Variants in DNAJC2 observed in about 807,000 individuals in gnomAD.
The protein encoded by DNAJC2 is dnaJ homolog subfamily C member 2.
A neutral mutation model predicts 94.0 loss-of-function variants in DNAJC2; 32 were observed. The observed-to-expected ratio is 0.34, with a 90% confidence interval of 0.26 to 0.46. The LOEUF (loss-of-function observed/expected upper bound fraction) is 0.46. Ranked by LOEUF, DNAJC2 falls within the 20% of genes least tolerant of loss-of-function variation. The pLI is 1.00. For missense variants in DNAJC2, 550 were observed against 719.5 expected (o/e 0.76, Z 2.69); for synonymous variants, 210 against 229.7 (o/e 0.91, Z 0.77).
At chr7:103,314,909 A>T (rs1305069637) in intron 15 of DNAJC2, among the ~76,000 whole-genome samples, 1 of 152,202 alleles carries the variant, frequency 6.6e-6, no homozygotes, top group Non-Finnish European at 1.5e-5. Flanking sequence ...GGCTCACAAA[A>T]CATGAAGTGA....
chr7:103,316,809 A>G, intron 13 of DNAJC2, 21 bp downstream of exon 13: 1 of 1,604,354 alleles, frequency 6.2e-7, no homozygotes. Context: ...AGTTGAAGAA[A>G]AGTTTCATTA....
intron 15 of DNAJC2, 128 bp downstream of exon 15, chr7:103,315,636 G>C: frequency 1.7e-6 from 1 of 587,896 alleles, no homozygotes; most frequent in Non-Finnish European, 3.0e-6. Flanking sequence ...GGAAATGTTT[G>C]CTTACAGCTT....
At chr7:103,329,507 T>G (rs983351903) in intron 3 of DNAJC2, 3 of 152,278 alleles carry the variant, frequency 2.0e-5, no homozygotes, top group Non-Finnish European at 4.4e-5. Context: ...GATCATTTCT[T>G]TTGTAATTTC....
intron 3 of DNAJC2, among the ~76,000 whole-genome samples, chr7:103,329,738 G>T (rs1459786925): frequency 6.6e-6 from 1 of 152,072 alleles, no homozygotes; most frequent in Admixed American, 6.5e-5. Context: ...TTGCCCTGGG[G>T]TTATCTTTAA....
intron 3 of DNAJC2, among the ~76,000 whole-genome samples, chr7:103,332,101 T>C (rs1818999323): frequency 6.6e-6 from 1 of 151,564 alleles, no homozygotes; most frequent in Non-Finnish European, 1.5e-5. Context: ...GCCTCTCGGG[T>C]TCATGCCATT....
chr7:103,319,187 C>T lies in DNAJC2; in HGVS notation c.1242+422G>A, dbSNP rs557544288. Among the ~76,000 whole-genome samples, 18 of 151,772 alleles carry T rather than the reference C, an allele frequency of 1.2e-4. No individual in the cohort carries two copies. In the South Asian group the frequency reaches 3.8e-3, roughly 32 times the overall value. ...GGCGTGGTGGTTCACACCTATAATCCCAGCACTTTGAGAAGCCTACATGGG... is the reference window on the plus strand; with the variant it reads ...GGCGTGGTGGTTCACACCTATAATCTCAGCACTTTGAGAAGCCTACATGGG... On this transcript the variant is annotated intron_variant, in intron 12 of 16. Transcript: ENST00000379263.
chr7:103,330,257 C>A (rs1025804913), intron 3 of DNAJC2, among the ~76,000 whole-genome samples: 1 of 151,948 alleles, frequency 6.6e-6, no homozygotes, highest in East Asian at 1.9e-4. Flanking sequence ...CACTATTATT[C>A]TTTTAGTGTA....
intron 15 of DNAJC2, chr7:103,313,825 T>C (rs1817895295): frequency 1.7e-5 from 17 of 985,006 alleles, no homozygotes; most frequent in Non-Finnish European, 2.0e-5. Flanking sequence ...TCCACTTGTG[T>C]AGGTAAAAGT....
chr7:103,321,618 C>G (rs1818419052), intron 10 of DNAJC2, among the ~76,000 whole-genome samples: 1 of 151,250 alleles, frequency 6.6e-6, no homozygotes, highest in African/African-American at 2.4e-5. Context: ...GAGGCCAAGG[C>G]GGGGAGATCA....
chr7:103,329,165 A>G (rs1402985673), intron 3 of DNAJC2: 2 of 335,820 alleles, frequency 6.0e-6, no homozygotes, highest in African/African-American at 4.4e-5. Context: ...TGTGTCACTT[A>G]CAATTAATAA....
Position 103,315,776 on chromosome 7 carries a change from C to G in DNAJC2, c.1624G>C (p.Glu542Gln). The change falls in exon 15 of 17, where the codon GAA becomes CAA. Residue 542 changes from glutamate to glutamine, a missense_variant. Glu to Gln is a conservative substitution (Grantham distance 29). Around this residue, in one of 2 missense-constraint regions of DNAJC2, gnomAD observed 271 missense variants for 302.6 expected, o/e 0.90. Transcript: ENST00000379263. The part of the protein sequence containing the change: ...VPQADNATPS[E>Q]RFEGPYTDFT... ...AAGCAAAATTTACCTTCAAATCGTT[C>G]TGAAGGCGTTGCGTTGTCTGCTTGA... The G allele has an allele frequency of 1.9e-6, 3 of 1,613,050 alleles. No homozygotes were observed. Among genetic ancestry groups the G allele is most frequent in the Admixed American group, 1.7e-5 (1 of 59,982 alleles).
intron 6 of DNAJC2, 124 bp from the exon 7 acceptor site, chr7:103,323,787 C>A: frequency 1.4e-6 from 1 of 720,224 alleles, no homozygotes; most frequent in Non-Finnish European, 2.0e-6. Flanking sequence ...GAACTAAGGT[C>A]AAGTCTTTCT....
intron 3 of DNAJC2, chr7:103,328,799 T>C: frequency 3.5e-6 from 1 of 287,720 alleles, no homozygotes; most frequent in Non-Finnish European, 6.7e-6. Flanking sequence ...TCAAGTAGAT[T>C]TGTTATAATT....
chr7:103,337,657 A>T, intron 3 of DNAJC2, 79 bp downstream of exon 3: 1 of 1,153,140 alleles, frequency 8.7e-7, no homozygotes, highest in Non-Finnish European at 1.3e-6. Context: ...AGACTATGAT[A>T]CTGTATATCT....
chr7:103,318,582 C>T (rs1323487718), intron 12 of DNAJC2, among the ~76,000 whole-genome samples: 2 of 152,158 alleles, frequency 1.3e-5, no homozygotes, highest in East Asian at 3.9e-4. Context: ...TTCTTCTCAG[C>T]ATGTCCTTTG....
At chr7:103,332,229 T>C (rs1484342653) in intron 3 of DNAJC2, among the ~76,000 whole-genome samples, 2 of 152,138 alleles carry the variant, frequency 1.3e-5, no homozygotes, top group African/African-American at 4.8e-5. Flanking sequence ...ATGGTCTCGA[T>C]CTCCTGACCT....
chr7:103,326,810 G>A (rs1204589740), intron 4 of DNAJC2, 126 bp from the exon 5 acceptor site: 1 of 915,780 alleles, frequency 1.1e-6, no homozygotes, highest in African/African-American at 1.7e-5. Context: ...TTTGTTTGCA[G>A]GTTGGGGAGG....
intron 6 of DNAJC2, among the ~76,000 whole-genome samples, 199 bp downstream of exon 6, chr7:103,324,283 C>T (rs1046615011): frequency 2.0e-5 from 3 of 152,162 alleles, no homozygotes; most frequent in African/African-American, 7.2e-5. Context: ...TTTTTTACTA[C>T]TATCATGTGC....
At position 103,322,495 on chromosome 7, in the gene DNAJC2, T is replaced by C. The variant is rs1818475874; in HGVS notation, c.933+16A>G. 1 of 1,446,834 alleles carries C rather than the reference T, an allele frequency of 6.9e-7. No individual in the cohort carries two copies. The highest frequency in any genetic ancestry group is 9.4e-7 in the Non-Finnish European group (1 of 1,061,648). The allele number at this position is 1,446,834 out of a possible 1,614,324, so 89.6% of individuals were successfully genotyped here. A position where few individuals can be genotyped will look rare whatever the true frequency, so the allele number is the denominator to read the frequency against. Reference sequence around the variant, plus strand: ...CATAAACATTTAAAGTCCACCTTCATTAAATGTTGTCTTACTTTTTCTTTA... The same window carrying C: ...CATAAACATTTAAAGTCCACCTTCACTAAATGTTGTCTTACTTTTTCTTTA... On this transcript the variant is annotated intron_variant, in intron 9 of 16. Coordinates refer to ENST00000379263, the MANE Select transcript of DNAJC2 (RefSeq NM_014377.3).
Sources: gnomAD v4.1 joint callset for allele counts (sites outside exome capture counted in the v4.1 genomes callset) on GRCh38, gnomAD v4.1.1 for gene constraint, gnomAD v4.1.1 regional missense constraint, MANE v1.5 for transcripts, NCBI Gene and HGNC (gene_info 2026-07-23, HGNC 2026-07-21) for gene names.